The following SMC6 variants were observed in gnomAD, a reference collection of about 807,000 sequenced individuals.
The protein encoded by SMC6 is structural maintenance of chromosomes protein 6.
SMC6 carries 79 observed loss-of-function variants against 142.2 expected under a neutral mutation model. The ratio of observed to expected loss-of-function variants is 0.56; its 90% CI spans 0.46 to 0.67. The LOEUF (loss-of-function observed/expected upper bound fraction) is 0.67. Among genes scored for constraint, SMC6 ranks in the 30% least tolerant of loss-of-function variants. The pLI is 0.00. For missense variants in SMC6, 1,072 were observed against 1,284.0 expected (o/e 0.83, Z 2.52); for synonymous variants, 411 against 412.4 (o/e 1.00, Z 0.04).
rs1267710508 is a variant in SMC6 at position 17,731,942 on chromosome 2, C to G, written c.345-65G>C. On this transcript the variant is annotated intron_variant, in intron 5 of 27. Transcript: ENST00000448223. ...GTGTAATTACAATACTAGGTTGCCA[C>G]AGTTTTCAAATTTTTCAAAACCACC... is the stretch of plus-strand genomic sequence containing the variant. 1.3e-5 allele frequency: 19 copies of G among 1,508,422 alleles called. No homozygotes were observed. In the East Asian group the frequency reaches 1.6e-4, roughly 13 times the overall value. The allele number at this position is 1,508,422 out of a possible 1,614,324, so 93.4% of individuals were successfully genotyped here. A position where few individuals can be genotyped will look rare whatever the true frequency, so the allele number is the denominator to read the frequency against.
intron 2 of SMC6, among the ~76,000 whole-genome samples, chr2:17,750,712 C>A (rs996164374): frequency 6.6e-6 from 1 of 152,020 alleles, no homozygotes; most frequent in South Asian, 2.1e-4. Context: ...AAAAAAGATT[C>A]TATTATTGGC....
chr2:17,701,268 T>A (rs1300175156), intron 20 of SMC6, among the ~76,000 whole-genome samples: 1 of 152,092 alleles, frequency 6.6e-6, no homozygotes, highest in African/African-American at 2.4e-5. Flanking sequence ...ACTCGATAAA[T>A]ATTTATTCAC....
chr2:17,726,257 T>A (rs888181399), intron 8 of SMC6, 132 bp downstream of exon 8: 7 of 474,088 alleles, frequency 1.5e-5, no homozygotes, highest in Non-Finnish European at 2.4e-5. Context: ...TCTAGGAAAT[T>A]GAATTACTTT....
At chr2:17,682,621 C>T (rs1209091082) in intron 24 of SMC6, among the ~76,000 whole-genome samples, 4 of 152,072 alleles carry the variant, frequency 2.6e-5, no homozygotes, top group Non-Finnish European at 5.9e-5. Context: ...AGGAATAGTT[C>T]ATGTTCTTAT....
At chr2:17,725,620 A>G (rs947285905) in intron 8 of SMC6, among the ~76,000 whole-genome samples, 2 of 152,176 alleles carry the variant, frequency 1.3e-5, no homozygotes, top group African/African-American at 4.8e-5. Context: ...AGGGTGTGGT[A>G]ATAAGCTCAT....
At chr2:17,745,667 A>G (rs1472333643) in intron 3 of SMC6, among the ~76,000 whole-genome samples, 160 bp downstream of exon 3, 3 of 152,076 alleles carry the variant, frequency 2.0e-5, no homozygotes, top group Non-Finnish European at 4.4e-5. Flanking sequence ...AATTTTTCTA[A>G]TAATTAACAT....
At chr2:17,752,685 T>C (rs1671107722) in intron 2 of SMC6, among the ~76,000 whole-genome samples, 2 of 152,116 alleles carry the variant, frequency 1.3e-5, no homozygotes, top group Admixed American at 1.3e-4. Context: ...ATGAAATAAA[T>C]CTAAATAGAA....
At chr2:17,692,156 A>C (rs1667763169) in intron 23 of SMC6, among the ~76,000 whole-genome samples, 2 of 152,192 alleles carry the variant, frequency 1.3e-5, no homozygotes, top group Admixed American at 1.3e-4. Context: ...ATTCACTGCC[A>C]TCCCCATCAA....
At chr2:17,684,891 T>C (rs1667380788) in intron 23 of SMC6, among the ~76,000 whole-genome samples, 1 of 151,498 alleles carries the variant, frequency 6.6e-6, no homozygotes, top group Admixed American at 6.6e-5. Context: ...AAGGAATACC[T>C]CAAAGCAGAC....
chr2:17,677,326 C>T (rs1433343285), intron 25 of SMC6, among the ~76,000 whole-genome samples: 1 of 152,096 alleles, frequency 6.6e-6, no homozygotes, highest in East Asian at 1.9e-4. Context: ...AGACTTAGTC[C>T]ATTTATCATT....
In SMC6 at chr2:17,721,068, C is replaced by T. The variant is rs753532680; in HGVS notation, c.847-30G>A. On this transcript the variant is annotated intron_variant, in intron 10 of 27. Coordinates refer to ENST00000448223, the MANE Select transcript of SMC6 (RefSeq NM_001142286.2). ...GAAAGAAATTATATAGCAAATTGATCAGATTAACAATAATAACCAAATACA... is the reference window on the plus strand; with the variant it reads ...GAAAGAAATTATATAGCAAATTGATTAGATTAACAATAATAACCAAATACA... The T allele has an allele frequency of 3.7e-6, 6 of 1,612,628 alleles. No individual in the cohort carries two copies. The African/African-American group carries it at 8.0e-5, about 22-fold the overall frequency.
intron 26 of SMC6, among the ~76,000 whole-genome samples, chr2:17,667,796 G>A (rs879826042): frequency 9.2e-5 from 14 of 152,190 alleles, no homozygotes; most frequent in South Asian, 4.1e-4. Flanking sequence ...GTCGCAGTGA[G>A]CTGAAATCAC....
intron 5 of SMC6, among the ~76,000 whole-genome samples, chr2:17,736,186 C>T (rs1205596129): frequency 2.6e-5 from 4 of 152,202 alleles, no homozygotes; most frequent in South Asian, 2.1e-4. Context: ...CTCTGCTTTT[C>T]GTTAGTTTTT....
chr2:17,692,465 C>T (rs1667778508), intron 23 of SMC6, among the ~76,000 whole-genome samples: 1 of 152,174 alleles, frequency 6.6e-6, no homozygotes, highest in South Asian at 2.1e-4. Context: ...GAAGGATTCC[C>T]TATTTAATAA....
chr2:17,703,295 T>C lies in SMC6; in HGVS notation c.2007-3A>G, dbSNP rs933754041. ...TTTCAACCTCATTCTCCAAGTCACT[T>C]GATAGGAAAGGAGAAGATAGAAAAT... is the stretch of plus-strand genomic sequence containing the variant. On this transcript the variant is annotated splice_region_variant and splice_polypyrimidine_tract_variant and intron_variant, in intron 18 of 27. Transcript: ENST00000448223. 2 of 1,597,120 alleles carry C rather than the reference T, an allele frequency of 1.3e-6. No homozygotes were observed. Among genetic ancestry groups the C allele is most frequent in the Non-Finnish European group, 1.7e-6 (2 of 1,174,500 alleles).
chr2:17,746,426 A>G lies in SMC6; in HGVS notation c.-5-475T>C, dbSNP rs115224633. 5.0e-3 allele frequency: 767 copies of G among 152,438 alleles called. 7 individuals are homozygous for G. The highest frequency in any genetic ancestry group is 9.4e-3 in the Non-Finnish European group (638 of 68,100). The allele number at this position is 152,438 out of a possible 1,614,324, so 9.4% of individuals were successfully genotyped here. ...TTGTGGTTTCTAGTTTTCTAAATCT[A>G]TTCATAGAGATGGCATGGTGACTCC... On this transcript the variant is annotated intron_variant, in intron 2 of 27. Transcript: ENST00000448223.
chr2:17,735,268 A>T (rs1032678513), intron 5 of SMC6, among the ~76,000 whole-genome samples: 4 of 152,172 alleles, frequency 2.6e-5, no homozygotes, highest in Non-Finnish European at 5.9e-5. Context: ...GAGACTATCT[A>T]TGAGATTTTT....
At chr2:17,746,010 A>T in intron 2 of SMC6, 59 bp from the exon 3 acceptor site, 1 of 1,391,716 alleles carries the variant, frequency 7.2e-7, no homozygotes, top group African/African-American at 1.5e-5. Flanking sequence ...ATTAAACTCA[A>T]CAAAATAAAT....
At chr2:17,724,373 C>A (rs1489739482) in intron 9 of SMC6, among the ~76,000 whole-genome samples, 1 of 152,100 alleles carries the variant, frequency 6.6e-6, no homozygotes, top group African/African-American at 2.4e-5. Flanking sequence ...AATATGTATT[C>A]CTCAAAAATG....
Sources: gnomAD v4.1 joint callset for allele counts (sites outside exome capture counted in the v4.1 genomes callset) on GRCh38, gnomAD v4.1.1 for gene constraint, MANE v1.5 for transcripts, NCBI Gene and HGNC (gene_info 2026-07-23, HGNC 2026-07-21) for gene names.